Variants in EEFSEC observed in about 807,000 individuals in gnomAD.
The protein encoded by EEFSEC is eukaryotic elongation factor, selenocysteine-tRNA specific, also known as selenocysteine-specific elongation factor.
EEFSEC carries 43 observed loss-of-function variants against 42.1 expected under a neutral mutation model. That is an observed-to-expected ratio of 1.02 (90% CI 0.80 to 1.32). The LOEUF (loss-of-function observed/expected upper bound fraction) is 1.32. EEFSEC is among the 40% of genes most tolerant of loss of function. The pLI is 0.00. For missense variants in EEFSEC, 745 were observed against 803.6 expected (o/e 0.93, Z 0.88); for synonymous variants, 354 against 339.1 (o/e 1.04, Z -0.48).
chr3:128,246,337 C>A (rs2066127304), intron 1 of EEFSEC, among the ~76,000 whole-genome samples: 1 of 152,224 alleles, frequency 6.6e-6, no homozygotes, highest in Non-Finnish European at 1.5e-5. Flanking sequence ...TGAGCCGTAG[C>A]ACTGTGAGGA....
At chr3:128,308,611 T>C (rs1202457315) in intron 4 of EEFSEC, among the ~76,000 whole-genome samples, 2 of 152,238 alleles carry the variant, frequency 1.3e-5, no homozygotes, top group South Asian at 2.1e-4. Context: ...CATTTTTAGC[T>C]AAAGAACTTG....
intron 4 of EEFSEC, among the ~76,000 whole-genome samples, chr3:128,276,431 G>A (rs948895029): frequency 4.6e-5 from 7 of 152,182 alleles, no homozygotes; most frequent in Non-Finnish European, 4.4e-5. Context: ...CCTGGCTCAC[G>A]TCCTGCCCCT....
chr3:128,314,194 T>C (rs1213864305), intron 4 of EEFSEC, among the ~76,000 whole-genome samples: 1 of 152,206 alleles, frequency 6.6e-6, no homozygotes, highest in Non-Finnish European at 1.5e-5. Flanking sequence ...CCTGTCTGCT[T>C]TGAGGTTTCA....
chr3:128,165,765 A>T (rs1417569773), intron 1 of EEFSEC, among the ~76,000 whole-genome samples: 1 of 152,230 alleles, frequency 6.6e-6, no homozygotes. Flanking sequence ...ATTTGCTAGC[A>T]TTGCCCTGTC....
At chr3:128,401,082 G>C (rs1297539120) in intron 6 of EEFSEC, among the ~76,000 whole-genome samples, 1 of 152,142 alleles carries the variant, frequency 6.6e-6, no homozygotes, top group African/African-American at 2.4e-5. Flanking sequence ...CTGAATGACA[G>C]ACGTACATGT....
At chr3:128,415,486 T>A in the EEFSEC span, among the ~76,000 whole-genome samples, 1 of 151,650 alleles carries the variant, frequency 6.6e-6, no homozygotes, top group African/African-American at 2.4e-5. Flanking sequence ...AGAGCGATGA[T>A]AGGGTGGAAG....
At chr3:128,217,351 C>T (rs998971376) in intron 1 of EEFSEC, among the ~76,000 whole-genome samples, 3 of 152,076 alleles carry the variant, frequency 2.0e-5, no homozygotes, top group African/African-American at 4.8e-5. Context: ...CAGTGTCACC[C>T]AAGGGTCCAC....
chr3:128,262,368 C>G (rs1271550154), intron 3 of EEFSEC, 144 bp downstream of exon 3: 5 of 667,100 alleles, frequency 7.5e-6, no homozygotes, highest in Non-Finnish European at 1.3e-5. Context: ...CCTGTTAACA[C>G]CTTAGCACAA....
intron 1 of EEFSEC, among the ~76,000 whole-genome samples, chr3:128,222,195 A>G (rs564907642): frequency 1.3e-5 from 2 of 152,186 alleles, no homozygotes; most frequent in South Asian, 2.1e-4. Flanking sequence ...CACTCCAGCC[A>G]GCTAATTTTT....
intron 2 of EEFSEC, among the ~76,000 whole-genome samples, chr3:128,252,927 C>T (rs1014321182): frequency 2.6e-5 from 4 of 152,198 alleles, no homozygotes; most frequent in Admixed American, 6.5e-5. Flanking sequence ...GTGCAGCTGC[C>T]GTCTCTGGCT....
chr3:128,285,271 G>T (rs894302476), intron 4 of EEFSEC, among the ~76,000 whole-genome samples: 10 of 152,104 alleles, frequency 6.6e-5, no homozygotes, highest in Admixed American at 5.9e-4. Flanking sequence ...GGGGAAGAAG[G>T]TGCCTCTGGC....
At chr3:128,211,260 T>C (rs2107832626) in intron 1 of EEFSEC, among the ~76,000 whole-genome samples, 1 of 152,150 alleles carries the variant, frequency 6.6e-6, no homozygotes, top group East Asian at 1.9e-4. Flanking sequence ...TATTATTATT[T>C]TATTTATTTT....
intron 4 of EEFSEC, among the ~76,000 whole-genome samples, chr3:128,272,910 A>G (rs1457591420): frequency 6.6e-6 from 1 of 152,172 alleles, no homozygotes; most frequent in African/African-American, 2.4e-5. Context: ...GGTGCTTCCC[A>G]GTGTCCACAC....
chr3:128,419,344 A>G, the EEFSEC span, among the ~76,000 whole-genome samples: 1 of 152,248 alleles, frequency 6.6e-6, no homozygotes, highest in Non-Finnish European at 1.5e-5. Context: ...ACAATAGGTA[A>G]AGGAAGGAAG....
intron 4 of EEFSEC, among the ~76,000 whole-genome samples, chr3:128,274,234 T>C (rs1339973729): frequency 1.3e-5 from 2 of 152,276 alleles, no homozygotes; most frequent in Non-Finnish European, 2.9e-5. Flanking sequence ...CCCTGTGAGC[T>C]CAAGTGAGTT....
At chr3:128,419,893 C>T in the EEFSEC span, among the ~76,000 whole-genome samples, 2 of 152,194 alleles carry the variant, frequency 1.3e-5, no homozygotes, top group Admixed American at 6.5e-5. Context: ...GGGGTTCAGA[C>T]ACCCCCATGG....
At chr3:128,306,919 C>T (rs2066833687) in intron 4 of EEFSEC, among the ~76,000 whole-genome samples, 1 of 152,248 alleles carries the variant, frequency 6.6e-6, no homozygotes, top group African/African-American at 2.4e-5. Context: ...CAGCATCGCA[C>T]CATGGGTGAA....
Position 128,341,747 on chromosome 3 carries a change from A to G in EEFSEC, c.1301A>G (p.Asp434Gly). ...TGCCTGGTGATTGGCTCCAGGCTAG[A>G]TGCGGACATTCACACCAACACGTGC... is the stretch of plus-strand genomic sequence containing the variant. ...RLCLVIGSRLDADIHTNTCRL... is the reference protein window; with the variant it reads ...RLCLVIGSRLGADIHTNTCRL... Residue 434 changes from aspartate (D) to glycine (G), a missense_variant, in exon 5 of 7, where the codon GAT (aspartate) becomes GGT (glycine). Transcript: ENST00000254730. 4.3e-6 allele frequency: 7 copies of G among 1,614,084 alleles called. No homozygotes were observed. Among genetic ancestry groups the G allele is most frequent in the Non-Finnish European group, 5.9e-6 (7 of 1,180,024 alleles).
chr3:128,354,897 T>TG (rs1473215305), intron 5 of EEFSEC, among the ~76,000 whole-genome samples: 1 of 152,190 alleles, frequency 6.6e-6, no homozygotes, highest in Non-Finnish European at 1.5e-5. Flanking sequence ...GGCTGAGCGA[T>TG]GGGCCTGCTG....
Sources: allele counts gnomAD v4.1 joint callset (sites outside exome capture counted in the v4.1 genomes callset), GRCh38; gene constraint gnomAD v4.1.1; transcripts MANE v1.5; gene names NCBI Gene and HGNC (gene_info 2026-07-23, HGNC 2026-07-21).